CRACDL: variants seen among roughly 807,000 people sequenced by gnomAD.
The protein encoded by CRACDL is CRACD like.
In CRACDL, 26 loss-of-function variants were observed where a neutral mutation model predicts 70.6. The ratio of observed to expected loss-of-function variants is 0.37; its 90% CI spans 0.27 to 0.51. The LOEUF (loss-of-function observed/expected upper bound fraction) is 0.51. Among genes scored for constraint, CRACDL ranks in the 20% least tolerant of loss-of-function variants. The probability of loss-of-function intolerance (pLI) is 0.94; values close to 1 mark genes in which losing one functional copy is unlikely to be tolerated. For synonymous variants in CRACDL, 618 were observed against 615.2 expected, an observed-to-expected ratio of 1.00 and a Z score of -0.07; for missense variants, 1,283 against 1,376.9, an observed-to-expected ratio of 0.93 and a Z score of 1.08.
chr2:98,895,493 T>G (rs564084300), intron 1 of CRACDL, among the ~76,000 whole-genome samples: 1 of 151,986 alleles, frequency 6.6e-6, no homozygotes, highest in South Asian at 2.1e-4. Context: ...GAATGGCAGA[T>G]GTAGAGGCCC....
intron 1 of CRACDL, among the ~76,000 whole-genome samples, chr2:98,924,804 C>T (rs1328177491): frequency 6.6e-6 from 1 of 152,204 alleles, no homozygotes; most frequent in African/African-American, 2.4e-5. Flanking sequence ...TACCTTAGCC[C>T]CCCAAAAAGG....
intron 1 of CRACDL, among the ~76,000 whole-genome samples, chr2:98,905,980 G>A (rs1348192957): frequency 6.6e-6 from 1 of 152,024 alleles, no homozygotes; most frequent in East Asian, 1.9e-4. Flanking sequence ...GAATCTGTAG[G>A]CTGATATTTT....
intron 1 of CRACDL, among the ~76,000 whole-genome samples, chr2:98,910,899 A>G (rs911945595): frequency 6.6e-6 from 1 of 152,320 alleles, no homozygotes; most frequent in Non-Finnish European, 1.5e-5. Flanking sequence ...GTTGAGCTCA[A>G]GGTTGCAGGG....
At chr2:98,926,842 T>C (rs1708918910) in intron 1 of CRACDL, among the ~76,000 whole-genome samples, 1 of 152,214 alleles carries the variant, frequency 6.6e-6, no homozygotes, top group African/African-American at 2.4e-5. Context: ...TTGCTCGGTA[T>C]TGACTCAACA....
chr2:98,901,065 A>G (rs1286924947), intron 1 of CRACDL, among the ~76,000 whole-genome samples: 3 of 152,186 alleles, frequency 2.0e-5, no homozygotes, highest in South Asian at 2.1e-4. Context: ...AAGCATGTAA[A>G]AGCACGTGGC....
intron 1 of CRACDL, among the ~76,000 whole-genome samples, chr2:98,927,517 A>C (rs1407826530): frequency 6.6e-6 from 1 of 150,680 alleles, no homozygotes; most frequent in Non-Finnish European, 1.5e-5. Context: ...AAAAAAAAAA[A>C]CTTGGTGTGA....
In CRACDL at chr2:98,838,138, C is replaced by T. The variant is rs767776219; in HGVS notation, c.220G>A (p.Asp74Asn). The T allele has an allele frequency of 1.2e-6, 2 of 1,609,696 alleles. No homozygotes were observed. The highest frequency in any genetic ancestry group is 1.7e-5 in the Admixed American group (1 of 59,158). Residue 74 changes from aspartate to asparagine, a missense_variant, in exon 3 of 10, where the codon GAC becomes AAC. Physicochemically the swap from Asp to Asn is conservative, Grantham distance 23. Around this residue, in one of 2 missense-constraint regions of CRACDL, gnomAD observed 362 missense variants for 495.0 expected, o/e 0.73. Transcript: ENST00000397899. ...IAIESGPVGY[D>N]SEDELEESRG... is the part of the protein sequence containing the mutation. ...ACTTACTCCAGCTCATCCTCGGAGTCGTAGCCCACTGGCCCGGATTCGATG... is the reference window on the plus strand; with the variant it reads ...ACTTACTCCAGCTCATCCTCGGAGTTGTAGCCCACTGGCCCGGATTCGATG...
chr2:98,827,054 A>G lies in CRACDL; in HGVS notation c.656T>C (p.Leu219Pro). The G allele has an allele frequency of 6.2e-7, 1 of 1,614,138 alleles. No homozygotes were observed. The highest frequency in any genetic ancestry group is 8.5e-7 in the Non-Finnish European group (1 of 1,179,988). ...FSYPAESSSC[L>P]DNSAAKHKLQ... The stretch of plus-strand genomic sequence containing the variant: ...CTTGTGCTTAGCTGCAGAGTTGTCC[A>G]GGCAGGAGGAGGATTCTGCAGGATA... Residue 219 changes from leucine to proline, a missense_variant, in exon 6 of 10, where the codon CTG becomes CCG. Physicochemically the swap from Leu to Pro is moderately conservative, Grantham distance 98. Coordinates refer to ENST00000397899, the MANE Select transcript of CRACDL (RefSeq NM_207362.3).
chr2:98,846,813 G>A lies in CRACDL; in HGVS notation c.-10-3C>T. 6.2e-7 allele frequency: 1 copy of A among 1,612,338 alleles called. No homozygotes were observed. The highest frequency in any genetic ancestry group is 8.5e-7 in the Non-Finnish European group (1 of 1,178,332). On this transcript the variant is annotated splice_polypyrimidine_tract_variant and splice_region_variant and intron_variant, in intron 1 of 9. Coordinates refer to ENST00000397899, the MANE Select transcript of CRACDL (RefSeq NM_207362.3). ...TTGTGGAAATCATGTCAAGCTCGCT[G>A]AAATTATATGGAAATTCACGTTAAA...
intron 1 of CRACDL, among the ~76,000 whole-genome samples, chr2:98,918,539 CAAA>C (rs58312556): frequency 1.4e-4 from 9 of 66,348 alleles, no homozygotes; most frequent in Non-Finnish European, 1.7e-4. Context: ...TGTTGTCTAC[CAAA>C]AAAAAAAAAA....
intron 7 of CRACDL, among the ~76,000 whole-genome samples, chr2:98,805,568 C>T (rs773592013): frequency 7.9e-5 from 12 of 152,198 alleles, no homozygotes; most frequent in Non-Finnish European, 1.3e-4. Context: ...TCCTCCTCCA[C>T]CCTCCAGAGC....
At chr2:98,843,876 T>C (rs980161610) in intron 2 of CRACDL, among the ~76,000 whole-genome samples, 1 of 152,196 alleles carries the variant, frequency 6.6e-6, no homozygotes, top group Non-Finnish European at 1.5e-5. Context: ...TCAAGTCAGC[T>C]TGCCAATATC....
intron 3 of CRACDL, among the ~76,000 whole-genome samples, chr2:98,837,320 G>A (rs1575370484): frequency 6.6e-6 from 1 of 151,956 alleles, no homozygotes; most frequent in East Asian, 1.9e-4. Context: ...GGGGAGGGGC[G>A]AGAGCAAGAG....
At chr2:98,893,881 C>T (rs149590149) in intron 1 of CRACDL, among the ~76,000 whole-genome samples, 2,706 of 152,330 alleles carry the variant, frequency 0.018, 87 homozygotes, top group African/African-American at 0.061. Context: ...CGCATCCACA[C>T]GAACGCCCGT....
At position 98,822,602 on chromosome 2, in the gene CRACDL, TGGCGCCGCCCTCTCGGCGCCCGCC is replaced by T; in HGVS notation, c.1647_1670del (p.Ala550_Pro557del). 1 of 1,408,650 alleles carries T rather than the reference TGGCGCCGCCCTCTCGGCGCCCGCC, an allele frequency of 7.1e-7. No homozygotes were observed. Among genetic ancestry groups the T allele is most frequent in the Non-Finnish European group, 9.2e-7 (1 of 1,088,030 alleles). 87.3% of individuals were successfully genotyped at this position (1,408,650 alleles called of 1,614,324 possible). A position where few individuals can be genotyped will look rare whatever the true frequency, so the allele number is the denominator to read the frequency against. ...CACCGCCCCTCTCCGCCTTCCGCTC[TGGCGCCGCCCTCTCGGCGCCCGCC>T]GGTGGCGCCTCGGCTCGCTCGGCCT... is the stretch of plus-strand genomic sequence containing the variant. On this transcript the variant is annotated inframe_deletion, in exon 7 of 10. Transcript: ENST00000397899. This position sits in a 1 kb window ranked among gnomAD's most constrained non-coding sequence, Gnocchi z 4.9.
chr2:98,798,695 T>C (rs1262011338), intron 7 of CRACDL, among the ~76,000 whole-genome samples: 1 of 151,786 alleles, frequency 6.6e-6, no homozygotes, highest in Non-Finnish European at 1.5e-5. Context: ...TTTCTTTTCT[T>C]TTCTTTTTTT....
intron 6 of CRACDL, 67 bp downstream of exon 6, chr2:98,826,908 G>GC (rs1284794897): frequency 5.6e-5 from 71 of 1,265,158 alleles, no homozygotes; most frequent in Non-Finnish European, 7.5e-5. Context: ...AGGCAGGTTG[G>GC]GGGGGGGCAT....
intron 1 of CRACDL, among the ~76,000 whole-genome samples, chr2:98,875,282 G>T (rs971528274): frequency 2.0e-5 from 3 of 152,318 alleles, no homozygotes; most frequent in Non-Finnish European, 4.4e-5. Context: ...TTGGCTGCTG[G>T]CTCAGGTTTT....
At chr2:98,924,807 C>T (rs1365397879) in intron 1 of CRACDL, among the ~76,000 whole-genome samples, 2 of 152,198 alleles carry the variant, frequency 1.3e-5, no homozygotes, top group Non-Finnish European at 2.9e-5. Flanking sequence ...CTTAGCCCCC[C>T]AAAAAGGGGG....
Sources: allele counts gnomAD v4.1 joint callset (sites outside exome capture counted in the v4.1 genomes callset), GRCh38; gene constraint gnomAD v4.1.1; regional missense constraint gnomAD v4.1.1; non-coding constraint Gnocchi (gnomAD v3.1); transcripts MANE v1.5; gene names NCBI Gene and HGNC (gene_info 2026-07-23, HGNC 2026-07-21).